Variants in PKN3 observed in about 807,000 individuals in gnomAD.
PKN3 encodes the protein protein kinase N3.
A neutral mutation model predicts 113.1 loss-of-function variants in PKN3; 91 were observed. The observed-to-expected ratio is 0.80, with a 90% CI of 0.68 to 0.96. The LOEUF (loss-of-function observed/expected upper bound fraction) is 0.96, where lower values mean the gene tolerates loss of function less well. Among genes scored for constraint, PKN3 ranks in the 40% least tolerant of loss-of-function variants. PKN3 has a pLI of 0.00. For missense variants in PKN3, 1,052 were observed against 1,202.2 expected (o/e 0.88, Z 1.85); for synonymous variants, 467 against 499.0 (o/e 0.94, Z 0.85).
rs762712382 is a variant in PKN3, at chr9:128,707,350, G to A, written c.780G>A (p.Ala260=). Reference sequence around the variant, plus strand: ...GAGTGACCCGAGAGTTGCGGGCTGCGGTGCCTGGATACCCCCAGCCTTCAG... The same window carrying A: ...GAGTGACCCGAGAGTTGCGGGCTGCAGTGCCTGGATACCCCCAGCCTTCAG... ...RSRVTRELRA[A]VPGYPQPSGT... The change falls in exon 6 of 22, where the codon GCG becomes GCA. Residue 260 remains alanine, a synonymous_variant. Transcript: ENST00000291906. 8.1e-6 allele frequency: 13 copies of A among 1,613,418 alleles called. No homozygotes were observed. Among genetic ancestry groups the A allele is most frequent in the South Asian group, 5.5e-5 (5 of 91,072 alleles).
At position 128,720,631 on chromosome 9, in the gene PKN3, C is replaced by A; in HGVS notation, c.*25C>A. On this transcript the variant is annotated 3_prime_UTR_variant, in exon 22 of 22. Coordinates refer to ENST00000291906, the MANE Select transcript of PKN3 (RefSeq NM_013355.5). The surrounding 1 kb of genome is among the most constrained non-coding windows in gnomAD (Gnocchi z 5.5). ...AGGGCATCTCCTGGCACCTCTGTCCCCTTCCCCCACAGACTGTTAGAGCCT... is the reference window on the plus strand; with the variant it reads ...AGGGCATCTCCTGGCACCTCTGTCCACTTCCCCCACAGACTGTTAGAGCCT... The A allele has an allele frequency of 6.3e-7, 1 of 1,590,078 alleles. No homozygotes were observed. The highest frequency in any genetic ancestry group is 2.3e-5 in the East Asian group (1 of 44,394).
At position 128,714,880 on chromosome 9, in the gene PKN3, G is replaced by A. The variant is rs369331854; in HGVS notation, c.1652+15G>A. The A allele has an allele frequency of 1.8e-5, 29 of 1,609,972 alleles. 2 individuals are homozygous for A. Among genetic ancestry groups the A allele is most frequent in the African/African-American group, 1.5e-4 (11 of 74,844 alleles). ...TCCCCCACCAGGTACCCCATCCTGC[G>A]CACCTTCATGTTTGAGACGTTCGTC... On this transcript the variant is annotated intron_variant, in intron 13 of 21. Coordinates refer to ENST00000291906, the MANE Select transcript of PKN3 (RefSeq NM_013355.5).
chr9:128,713,933 C>G, intron 9 of PKN3, 113 bp from the exon 10 acceptor site: 1 of 1,083,640 alleles, frequency 9.2e-7, no homozygotes, highest in Non-Finnish European at 1.4e-6. Context: ...GTCTTTCTGG[C>G]TCTTGCATCT....
Position 128,716,926 on chromosome 9 carries a change from G to A in PKN3, c.1985+3G>A, listed in dbSNP as rs1589491237. The A allele has an allele frequency of 6.2e-7, 1 of 1,612,964 alleles. No homozygotes were observed. The highest frequency in any genetic ancestry group is 2.2e-5 in the East Asian group (1 of 44,810). On this transcript the variant is annotated splice_donor_region_variant and intron_variant, in intron 16 of 21. Coordinates refer to ENST00000291906, the MANE Select transcript of PKN3 (RefSeq NM_013355.5). ...GTCTTCCCCGAGCCCCAGGCCCGGT[G>A]GGTTCCATCCCTCCTGCCTGCCTCT...
At chr9:128,707,447 T>G (rs1862055263) in intron 6 of PKN3, 42 bp downstream of exon 6, 1 of 1,525,428 alleles carries the variant, frequency 6.6e-7, no homozygotes, top group African/African-American at 1.4e-5. Context: ...TCCTTCTTTT[T>G]GGGGGGAGGC....
intron 17 of PKN3, 42 bp downstream of exon 17, chr9:128,718,429 TG>T: frequency 6.8e-6 from 3 of 442,628 alleles, no homozygotes; most frequent in East Asian, 5.9e-5. Flanking sequence ...GGGGTGGGGG[TG>T]GGGGTGGAGT....
intron 18 of PKN3, among the ~76,000 whole-genome samples, chr9:128,718,889 TTTTTTTTGGTTTG>T (rs1302884009): frequency 3.5e-5 from 1 of 28,348 alleles, no homozygotes; most frequent in African/African-American, 4.2e-5. Flanking sequence ...GCCTTCTGTT[TTTTTTTTGGTTTG>T]TTTTTTTTTT....
Position 128,702,801 on chromosome 9 carries a change from G to T in PKN3, c.-115G>T. 2.6e-6 allele frequency: 2 copies of T among 777,270 alleles called. No individual in the cohort carries two copies. The highest frequency in any genetic ancestry group is 4.1e-6 in the Non-Finnish European group (2 of 487,148). The allele number at this position is 777,270 out of a possible 1,614,324, so 48.1% of individuals were successfully genotyped here. Reference sequence around the variant, plus strand: ...GTCTCGGGAGGGGGCGCCCGATCCCGCGTCTCCGGCGCCGCTTCCCGGGAA... The same window carrying T: ...GTCTCGGGAGGGGGCGCCCGATCCCTCGTCTCCGGCGCCGCTTCCCGGGAA... On this transcript the variant is annotated 5_prime_UTR_variant, in exon 1 of 22. Coordinates refer to ENST00000291906, the MANE Select transcript of PKN3 (RefSeq NM_013355.5).
Position 128,713,035 on chromosome 9 carries a change from G to A in PKN3, c.836-17G>A, listed in dbSNP as rs748034864. The A allele has an allele frequency of 1.5e-5, 23 of 1,578,386 alleles. No individual in the cohort carries two copies. The highest frequency in any genetic ancestry group is 3.6e-5 in the Admixed American group (2 of 56,188). On this transcript the variant is annotated splice_polypyrimidine_tract_variant and intron_variant, in intron 6 of 21. Transcript: ENST00000291906. ...AAGATGGCATCTGACAACGCCCCCC[G>A]CTCACTCTCCCCACAGGGACACTGC...
rs1240182668 is a variant in PKN3 at position 128,714,811 on chromosome 9, C to G, written c.1598C>G (p.Pro533Arg). 6.2e-7 allele frequency: 1 copy of G among 1,613,958 alleles called. No individual in the cohort carries two copies. Among genetic ancestry groups the G allele is most frequent in the Non-Finnish European group, 8.5e-7 (1 of 1,179,906 alleles). ...TSEETPRTKR[P>R]HMEPRTRRGP... ...CTATACTCACAGCGCACCAAACGTC[C>G]CCATATGGAGCCTAGGACTCGACGT... Residue 533 changes from proline (P) to arginine (R), a missense_variant, in exon 13 of 22, where the codon CCC (proline) becomes CGC (arginine). Pro to Arg is a moderately radical substitution (Grantham distance 103, BLOSUM62 -2). Coordinates refer to ENST00000291906, the MANE Select transcript of PKN3 (RefSeq NM_013355.5).
intron 13 of PKN3, 88 bp downstream of exon 13, chr9:128,714,953 C>T (rs1280542521): frequency 7.5e-6 from 10 of 1,326,152 alleles, no homozygotes; most frequent in African/African-American, 1.4e-5. Flanking sequence ...CTCCCTGGCT[C>T]CCTGGCGGGT....
chr9:128,711,706 C>T (rs1051738357), intron 6 of PKN3, among the ~76,000 whole-genome samples: 5 of 151,606 alleles, frequency 3.3e-5, no homozygotes, highest in Middle Eastern at 3.4e-3. Flanking sequence ...TCAAGCGATT[C>T]TCCTGCCTCA....
In PKN3 at chr9:128,715,730, A is replaced by G. The variant is rs78455297; in HGVS notation, c.1808+270A>G. Among the ~76,000 whole-genome samples the G allele has an allele frequency of 7.4e-3, 1,126 of 152,248 alleles. 17 individuals are homozygous for G. Among genetic ancestry groups the G allele is most frequent in the East Asian group, 0.054 (281 of 5,174 alleles). ...CCTGACATATAGAAACCATCACTCT[A>G]TGGCCAGGCGTGGTAACTCATGCAT... On this transcript the variant is annotated intron_variant, in intron 15 of 21. Transcript: ENST00000291906. The surrounding 1 kb of genome is among the most constrained non-coding windows in gnomAD (Gnocchi z 4.1).
Position 128,713,059 on chromosome 9 carries a change from G to A in PKN3, c.843G>A (p.Leu281=), listed in dbSNP as rs1236576543. The A allele has an allele frequency of 6.2e-7, 1 of 1,606,040 alleles. No homozygotes were observed. The highest frequency in any genetic ancestry group is 8.5e-7 in the Non-Finnish European group (1 of 1,175,088). Residue 281 remains leucine, a synonymous_variant, in exon 7 of 22, where the codon CTG becomes CTA. Transcript: ENST00000291906. ...PVKPTALTGT[L]QVRLLGCEQL... is the part of the protein sequence containing the mutation. Reference sequence around the variant, plus strand: ...CGCTCACTCTCCCCACAGGGACACTGCAGGTCCGCCTCCTGGGCTGTGAAC... The same window carrying A: ...CGCTCACTCTCCCCACAGGGACACTACAGGTCCGCCTCCTGGGCTGTGAAC...
intron 1 of PKN3, chr9:128,704,143 C>T: frequency 3.0e-6 from 3 of 985,404 alleles, no homozygotes; most frequent in Non-Finnish European, 3.6e-6. Context: ...AGATGGGGTT[C>T]CTGCAACAGC....
At chr9:128,704,450 C>T (rs546294650) in intron 1 of PKN3, among the ~76,000 whole-genome samples, 15 of 152,290 alleles carry the variant, frequency 9.8e-5, no homozygotes, top group African/African-American at 3.4e-4. Flanking sequence ...AACCCCTATT[C>T]GGCGTAGCTT....
At chr9:128,707,655 T>G (rs1447205717) in intron 6 of PKN3, among the ~76,000 whole-genome samples, 1 of 152,240 alleles carries the variant, frequency 6.6e-6, no homozygotes, top group Non-Finnish European at 1.5e-5. Context: ...CCTAGCACAG[T>G]CAGCACTCGG....
chr9:128,706,938 T>A lies in PKN3; in HGVS notation c.566T>A (p.Val189Asp). The change falls in exon 5 of 22, where the codon GTT becomes GAT. Residue 189 changes from valine to aspartate, a missense_variant. Physicochemically the swap from Val to Asp is radical, Grantham distance 152. Coordinates refer to ENST00000291906, the MANE Select transcript of PKN3 (RefSeq NM_013355.5). ...LAEELQHRLH[V>D]EAAVAEGAKN... The stretch of plus-strand genomic sequence containing the variant: ...GAGGAGCTACAGCATCGACTGCACG[T>A]TGAGGCAGCTGTGGCTGAGGGCGCC... 2.5e-6 allele frequency: 4 copies of A among 1,614,178 alleles called. No homozygotes were observed. Among genetic ancestry groups the A allele is most frequent in the African/African-American group, 1.3e-5 (1 of 75,062 alleles).
chr9:128,717,861 TAAAAA>T (rs67487928), intron 16 of PKN3, among the ~76,000 whole-genome samples: 1 of 97,854 alleles, frequency 1.0e-5, no homozygotes, highest in Non-Finnish European at 2.0e-5. Flanking sequence ...CTATAAAAAC[TAAAAA>T]AAAAAAAAAA....
Sources: allele counts gnomAD v4.1 joint callset (sites outside exome capture counted in the v4.1 genomes callset), GRCh38; gene constraint gnomAD v4.1.1; non-coding constraint Gnocchi (gnomAD v3.1); transcripts MANE v1.5; gene names NCBI Gene and HGNC (gene_info 2026-07-23, HGNC 2026-07-21).